The following SMPDL3B variants were observed in gnomAD, a reference collection of about 807,000 sequenced individuals.
The protein encoded by SMPDL3B is acid sphingomyelinase-like phosphodiesterase 3b.
Under a neutral mutation model 37.9 loss-of-function variants are expected in SMPDL3B, and 31 were observed. That is an observed-to-expected ratio of 0.82 (90% CI 0.61 to 1.10). The LOEUF (loss-of-function observed/expected upper bound fraction) is 1.10, where lower values mean the gene tolerates loss of function less well. Among genes scored for constraint, SMPDL3B ranks in the 50% least tolerant of loss-of-function variants. SMPDL3B has a pLI of 0.00. For missense variants in SMPDL3B, 525 were observed against 597.8 expected, an observed-to-expected ratio of 0.88 and a Z score of 1.27; for synonymous variants, 235 against 242.6, an observed-to-expected ratio of 0.97 and a Z score of 0.29.
chr1:27,936,951 G>A (rs2090313286), intron 1 of SMPDL3B, among the ~76,000 whole-genome samples: 2 of 152,200 alleles, frequency 1.3e-5, no homozygotes, highest in African/African-American at 2.4e-5. Context: ...AACCCGGGAG[G>A]TGGAGCTTGC....
At chr1:27,953,694 C>T (rs1260825778) in intron 4 of SMPDL3B, among the ~76,000 whole-genome samples, 1 of 152,216 alleles carries the variant, frequency 6.6e-6, no homozygotes, top group African/African-American at 2.4e-5. Context: ...TTGAACCTTG[C>T]CACCACTGAC....
chr1:27,952,551 A>G (rs1377639793), intron 3 of SMPDL3B, among the ~76,000 whole-genome samples: 1 of 152,220 alleles, frequency 6.6e-6, no homozygotes, highest in Non-Finnish European at 1.5e-5. Flanking sequence ...AATGAGTCTA[A>G]TGGGTTCCCC....
At chr1:27,957,764 T>C (rs1177060862) in intron 7 of SMPDL3B, among the ~76,000 whole-genome samples, 1 of 151,568 alleles carries the variant, frequency 6.6e-6, no homozygotes, top group Non-Finnish European at 1.5e-5. Context: ...AGGGAGGGAG[T>C]CAGCCCTGAG....
chr1:27,954,628 C>G lies in SMPDL3B; in HGVS notation c.690+102C>G, dbSNP rs1360243552. On this transcript the variant is annotated intron_variant, in intron 5 of 7. Transcript: ENST00000373894. ...CACCCACCCAAAGATGCCCATATCC[C>G]AGAGGGTCCTTTATCAGCCCGGCAC... is the stretch of plus-strand genomic sequence containing the variant. The G allele has an allele frequency of 4.4e-6, 5 of 1,124,104 alleles. No individual in the cohort carries two copies. The African/African-American group carries it at 7.7e-5, about 17-fold the overall frequency. 69.6% of individuals were successfully genotyped at this position (1,124,104 alleles called of 1,614,324 possible). A position where few individuals can be genotyped will look rare whatever the true frequency, so the allele number is the denominator to read the frequency against.
At chr1:27,952,227 G>C (rs2090461040) in intron 3 of SMPDL3B, among the ~76,000 whole-genome samples, 1 of 151,960 alleles carries the variant, frequency 6.6e-6, no homozygotes, top group Non-Finnish European at 1.5e-5. Context: ...AGAGAGGTGA[G>C]GTTTTTCTAG....
chr1:27,941,104 T>A (rs1388663390), intron 1 of SMPDL3B, among the ~76,000 whole-genome samples: 1 of 152,232 alleles, frequency 6.6e-6, no homozygotes, highest in Non-Finnish European at 1.5e-5. Flanking sequence ...GGTCCTGACA[T>A]GCTAATTAGA....
At chr1:27,957,183 GT>G (rs555338252) in intron 7 of SMPDL3B, among the ~76,000 whole-genome samples, 3 of 152,278 alleles carry the variant, frequency 2.0e-5, no homozygotes, top group Non-Finnish European at 4.4e-5. Context: ...GTAGGGGCAG[GT>G]GGGGGAGCAG....
At chr1:27,946,071 C>T (rs1029669933) in intron 2 of SMPDL3B, among the ~76,000 whole-genome samples, 14 of 152,000 alleles carry the variant, frequency 9.2e-5, no homozygotes, top group African/African-American at 1.9e-4. Context: ...TCCCCCATTC[C>T]GGCTGGGTAT....
chr1:27,958,793 G>A lies in SMPDL3B; in HGVS notation c.1323G>A (p.Pro441=), dbSNP rs759246841. ...ASGTTPVPQL[P]LLLMALLGLC... ...GCACCACGCCCGTGCCCCAGCTCCC[G>A]CTGCTGCTGATGGCCCTGCTGGGCC... The change falls in exon 8 of 8, where the codon CCG becomes CCA. Residue 441 remains proline (P), a synonymous_variant. Coordinates refer to ENST00000373894, the MANE Select transcript of SMPDL3B (RefSeq NM_014474.4). The surrounding 1 kb of genome is among the most constrained non-coding windows in gnomAD (Gnocchi z 5.6). The A allele has an allele frequency of 2.7e-5, 44 of 1,607,180 alleles. No individual in the cohort carries two copies. The highest frequency in any genetic ancestry group is 3.3e-5 in the Admixed American group (2 of 59,774).
rs774176322 is a variant in SMPDL3B at position 27,953,205 on chromosome 1, T to G, written c.374-10T>G. Reference sequence around the variant, plus strand: ...CATATATATTTTGATATTTCACCCTTTCTTCCTAGATACTAAAGTCTATGC... The same window carrying G: ...CATATATATTTTGATATTTCACCCTGTCTTCCTAGATACTAAAGTCTATGC... On this transcript the variant is annotated splice_polypyrimidine_tract_variant and intron_variant, in intron 3 of 7. Transcript: ENST00000373894. The G allele has an allele frequency of 8.7e-6, 14 of 1,605,234 alleles. No individual in the cohort carries two copies. The East Asian group carries it at 2.9e-4, about 33-fold the overall frequency.
intron 3 of SMPDL3B, among the ~76,000 whole-genome samples, chr1:27,950,581 G>C (rs549840222): frequency 2.0e-5 from 3 of 152,096 alleles, no homozygotes; most frequent in African/African-American, 7.2e-5. Flanking sequence ...ACTCTCCTAA[G>C]TAGTTGGGAT....
At chr1:27,943,522 C>G (rs2090377474) in intron 1 of SMPDL3B, among the ~76,000 whole-genome samples, 1 of 152,104 alleles carries the variant, frequency 6.6e-6, no homozygotes, top group Admixed American at 6.5e-5. Flanking sequence ...CTCCCAGGCC[C>G]AGACACAGCT....
chr1:27,949,279 G>C, intron 3 of SMPDL3B, 117 bp downstream of exon 3: 1 of 1,079,026 alleles, frequency 9.3e-7, no homozygotes, highest in Non-Finnish European at 1.4e-6. Context: ...GGACAGCGAT[G>C]GCTGTTGGCC....
At chr1:27,948,991 C>A (rs935103323) in intron 2 of SMPDL3B, 74 bp from the exon 3 acceptor site, 2 of 1,606,752 alleles carry the variant, frequency 1.2e-6, no homozygotes, top group African/African-American at 1.3e-5. Flanking sequence ...CCTCTCACTG[C>A]AGAGCTGTCC....
chr1:27,937,738 G>A (rs72655101), intron 1 of SMPDL3B, among the ~76,000 whole-genome samples: 32,380 of 152,036 alleles, frequency 0.21, 3,822 homozygotes, highest in Non-Finnish European at 0.27. Context: ...AGGCTGCCTT[G>A]CTCACCCCAC....
chr1:27,956,169 T>TC, intron 7 of SMPDL3B, 87 bp downstream of exon 7: 2 of 1,612,116 alleles, frequency 1.2e-6, no homozygotes, highest in Non-Finnish European at 1.7e-6. Flanking sequence ...TTATCCACCT[T>TC]CCCCTGACCA....
chr1:27,940,345 C>T (rs1329950693), intron 1 of SMPDL3B, among the ~76,000 whole-genome samples: 1 of 152,184 alleles, frequency 6.6e-6, no homozygotes, highest in Non-Finnish European at 1.5e-5. Context: ...CTGGGTAGAA[C>T]GTGGCCACTC....
chr1:27,953,657 G>A (rs1453897874), intron 4 of SMPDL3B, among the ~76,000 whole-genome samples: 2 of 152,180 alleles, frequency 1.3e-5, no homozygotes, highest in Non-Finnish European at 1.5e-5. Context: ...ACAACCCTTG[G>A]AAGGAGTGGT....
rs147828340 is a variant in SMPDL3B at position 27,957,782 on chromosome 1, C to G, written c.1006-694C>G. 6.0e-3 allele frequency among the ~76,000 whole-genome samples: 910 copies of G among 152,286 alleles called. 5 individuals are homozygous for G. The highest frequency in any genetic ancestry group is 0.02 in the African/African-American group (840 of 41,554). ...GAGGGAGTCAGCCCTGAGCTTGAAT[C>G]CTGGCTCCACCACTCATAAGCTTTT... On this transcript the variant is annotated intron_variant, in intron 7 of 7. Coordinates refer to ENST00000373894, the MANE Select transcript of SMPDL3B (RefSeq NM_014474.4).
Sources: gnomAD v4.1 joint callset for allele counts (sites outside exome capture counted in the v4.1 genomes callset) on GRCh38, gnomAD v4.1.1 for gene constraint, Gnocchi (gnomAD v3.1) non-coding constraint, MANE v1.5 for transcripts, NCBI Gene and HGNC (gene_info 2026-07-23, HGNC 2026-07-21) for gene names.